ADRA1B: variants seen among roughly 807,000 people sequenced by gnomAD.
ADRA1B encodes the protein alpha-1B adrenergic receptor.
Under a neutral mutation model 17.9 loss-of-function variants are expected in ADRA1B, and 17 were observed. The ratio of observed to expected loss-of-function variants is 0.95; its 90% CI spans 0.65 to 1.42. The LOEUF is 1.42. Ranked by LOEUF, ADRA1B falls within the 40% of genes most tolerant of loss-of-function variation. ADRA1B has a pLI of 0.00. For missense variants in ADRA1B, 681 were observed against 722.1 expected (o/e 0.94, Z 0.65); for synonymous variants, 366 against 327.6 (o/e 1.12, Z -1.27).
chr5:159,937,158 G>C (rs1754977426), intron 1 of ADRA1B, among the ~76,000 whole-genome samples: 2 of 152,232 alleles, frequency 1.3e-5, no homozygotes, highest in Admixed American at 6.5e-5. Context: ...TTCCCTGTAT[G>C]TGTATTTCCT....
intron 1 of ADRA1B, among the ~76,000 whole-genome samples, chr5:159,920,203 G>A (rs764070118): frequency 1.1e-4 from 17 of 152,186 alleles, no homozygotes; most frequent in Non-Finnish European, 1.9e-4. Context: ...TCACTGGCCA[G>A]AAAATTTCTC....
upstream of ADRA1B, among the ~76,000 whole-genome samples, chr5:159,914,661 G>A (rs545196983): frequency 4.7e-4 from 72 of 152,178 alleles, no homozygotes; most frequent in Non-Finnish European, 8.2e-4. Context: ...TAAAACCTTC[G>A]ATACGTGTAT....
intron 1 of ADRA1B, among the ~76,000 whole-genome samples, chr5:159,962,921 TTTTC>T (rs1755702811): frequency 7.7e-6 from 1 of 129,806 alleles, no homozygotes; most frequent in African/African-American, 3.1e-5. Context: ...CTTTCTTTCT[TTTTC>T]TTTTCTTTTC....
At chr5:159,923,121 C>A (rs1225372171) in intron 1 of ADRA1B, among the ~76,000 whole-genome samples, 3 of 152,242 alleles carry the variant, frequency 2.0e-5, no homozygotes, top group Non-Finnish European at 2.9e-5. Context: ...GAGTGGAGAA[C>A]TAACAGAGCC....
chr5:159,956,874 T>G (rs964444196), intron 1 of ADRA1B, among the ~76,000 whole-genome samples: 1 of 152,164 alleles, frequency 6.6e-6, no homozygotes, highest in Non-Finnish European at 1.5e-5. Flanking sequence ...ATTTTAATAT[T>G]TTGCTTTTTT....
intron 1 of ADRA1B, among the ~76,000 whole-genome samples, chr5:159,930,116 A>C: frequency 6.6e-6 from 1 of 152,176 alleles, no homozygotes; most frequent in East Asian, 1.9e-4. Flanking sequence ...GTCCTATTTT[A>C]CTTACCAATT....
chr5:159,882,193 C>T (rs1286824514), intron 1 of ADRA1B, among the ~76,000 whole-genome samples: 2 of 152,102 alleles, frequency 1.3e-5, no homozygotes, highest in African/African-American at 2.4e-5. Context: ...TTAATAGACT[C>T]GTAGGCTAGA....
At chr5:159,951,923 G>A (rs546044201) in intron 1 of ADRA1B, among the ~76,000 whole-genome samples, 1 of 152,112 alleles carries the variant, frequency 6.6e-6, no homozygotes, top group Non-Finnish European at 1.5e-5. Flanking sequence ...TGTGAGTTAG[G>A]CATCTCTTCT....
At chr5:159,897,602 A>G (rs1754053151) in intron 1 of ADRA1B, among the ~76,000 whole-genome samples, 1 of 152,152 alleles carries the variant, frequency 6.6e-6, no homozygotes, top group African/African-American at 2.4e-5. Flanking sequence ...CAAGGTTCCT[A>G]AAATCGCTGC....
intron 1 of ADRA1B, among the ~76,000 whole-genome samples, chr5:159,902,031 A>G (rs1451753482): frequency 6.6e-6 from 1 of 152,252 alleles, no homozygotes; most frequent in Non-Finnish European, 1.5e-5. Flanking sequence ...CAGTATCTCC[A>G]AAAGATATTT....
downstream of ADRA1B, among the ~76,000 whole-genome samples, chr5:159,973,133 A>T (rs563201345): frequency 6.6e-6 from 1 of 152,182 alleles, no homozygotes; most frequent in African/African-American, 2.4e-5. Flanking sequence ...CCTGCCCTCC[A>T]GTCTCCACCC....
At chr5:159,907,096 A>G (rs1460382097) in intron 1 of ADRA1B, among the ~76,000 whole-genome samples, 1 of 152,096 alleles carries the variant, frequency 6.6e-6, no homozygotes, top group African/African-American at 2.4e-5. Flanking sequence ...GTTGACACTA[A>G]TTGTACCAAT....
intron 1 of ADRA1B, among the ~76,000 whole-genome samples, chr5:159,880,614 T>C (rs1753852228): frequency 6.6e-6 from 1 of 152,184 alleles, no homozygotes; most frequent in African/African-American, 2.4e-5. Flanking sequence ...AACTCTCAAG[T>C]CAAGTGGTTC....
chr5:159,907,011 TATGA>T (rs1754168971), intron 1 of ADRA1B, among the ~76,000 whole-genome samples: 1 of 152,120 alleles, frequency 6.6e-6, no homozygotes, highest in South Asian at 2.1e-4. Flanking sequence ...CCTTCTAGGG[TATGA>T]ATGGCCAGCC....
At chr5:159,931,030 A>T (rs10463075) in intron 1 of ADRA1B, among the ~76,000 whole-genome samples, 5 of 146,806 alleles carry the variant, frequency 3.4e-5, no homozygotes, top group Non-Finnish European at 7.5e-5. Context: ...ATTTAATAAT[A>T]TATATATTAT....
At position 159,967,179 on chromosome 5, in the gene ADRA1B, TA is replaced by T. The variant is rs368613662; in HGVS notation, c.950-4692del. Reference sequence around the variant, plus strand: ...AATTCAGCATGTATTACTTTTGAAATAAAAAAAATATACAAATCTGGAGGGG... The same window carrying T: ...AATTCAGCATGTATTACTTTTGAAATAAAAAAATATACAAATCTGGAGGGG... On this transcript the variant is annotated intron_variant, in intron 1 of 1. Transcript: ENST00000306675. Among the ~76,000 whole-genome samples the T allele has an allele frequency of 1.1e-4, 17 of 151,758 alleles. No individual in the cohort carries two copies. The South Asian group carries it at 2.5e-3, about 22-fold the overall frequency.
intron 1 of ADRA1B, among the ~76,000 whole-genome samples, chr5:159,867,188 A>G (rs1207397739): frequency 6.6e-6 from 1 of 152,180 alleles, no homozygotes; most frequent in Admixed American, 6.5e-5. Context: ...TGAAATCTCA[A>G]TGATGTTGCC....
chr5:159,959,165 C>T (rs1755619661), intron 1 of ADRA1B, among the ~76,000 whole-genome samples: 1 of 152,144 alleles, frequency 6.6e-6, no homozygotes, highest in Non-Finnish European at 1.5e-5. Flanking sequence ...TATATTAACC[C>T]GTGTACTATG....
rs1754363102 is a variant in ADRA1B at position 159,917,685 on chromosome 5, T to C, written c.780T>C (p.Phe260=). 1.9e-6 allele frequency: 3 copies of C among 1,613,776 alleles called. No homozygotes were observed. In the Admixed American group the frequency reaches 5.0e-5, roughly 27 times the overall value. The change falls in exon 1 of 2, where the codon TTT becomes TTC. Residue 260 remains phenylalanine, a synonymous_variant. Transcript: ENST00000306675. ...CCCTGAGGATCCATTCCAAGAACTT[T>C]CACGAGGACACCCTTAGCAGTACCA... The part of the protein sequence containing the change: ...ELTLRIHSKN[F]HEDTLSSTKA...
Sources: allele counts gnomAD v4.1 joint callset (sites outside exome capture counted in the v4.1 genomes callset), GRCh38; gene constraint gnomAD v4.1.1; transcripts MANE v1.5; gene names NCBI Gene and HGNC (gene_info 2026-07-23, HGNC 2026-07-21).